LBP: variants seen among roughly 807,000 people sequenced by gnomAD.
LBP encodes the protein lipopolysaccharide-binding protein.
LBP carries 53 observed loss-of-function variants against 56.6 expected under a neutral mutation model. That is an observed-to-expected ratio of 0.94 (90% CI 0.75 to 1.18). The LOEUF (loss-of-function observed/expected upper bound fraction) is 1.18, where lower values mean the gene tolerates loss of function less well. Ranked by LOEUF, LBP falls within the 50% of genes most tolerant of loss-of-function variation. The probability of loss-of-function intolerance (pLI) is 0.00; values close to 1 mark genes in which losing one functional copy is unlikely to be tolerated. For missense variants in LBP, 601 were observed against 598.3 expected, an observed-to-expected ratio of 1.00 and a Z score of -0.05; for synonymous variants, 227 against 247.5, an observed-to-expected ratio of 0.92 and a Z score of 0.78.
intron 6 of LBP, among the ~76,000 whole-genome samples, chr20:38,362,269 C>A (rs2076863395): frequency 7.0e-6 from 1 of 143,812 alleles, no homozygotes; most frequent in African/African-American, 2.5e-5. Flanking sequence ...ACCATGTTAG[C>A]CAGGATGGTC....
intron 12 of LBP, 68 bp downstream of exon 12, chr20:38,371,390 T>G: frequency 1.8e-6 from 2 of 1,127,094 alleles, no homozygotes; most frequent in Non-Finnish European, 1.3e-6. Context: ...AAGCAATTGC[T>G]ATGGCACCTA....
intron 3 of LBP, among the ~76,000 whole-genome samples, chr20:38,353,827 G>A (rs1167810470): frequency 6.6e-6 from 1 of 151,788 alleles, no homozygotes; most frequent in Non-Finnish European, 1.5e-5. Flanking sequence ...TGCTTATTTT[G>A]TACTGCATTT....
At chr20:38,366,979 A>G (rs2076884601) in intron 9 of LBP, 151 bp downstream of exon 9, 1 of 719,194 alleles carries the variant, frequency 1.4e-6, no homozygotes, top group South Asian at 1.6e-5. Context: ...CTCCTTTCAA[A>G]GCCTAAATAA....
At chr20:38,351,518 G>A (rs544396469) in intron 3 of LBP, among the ~76,000 whole-genome samples, 1 of 152,296 alleles carries the variant, frequency 6.6e-6, no homozygotes, top group South Asian at 2.1e-4. Context: ...GAGGCACTTG[G>A]ATGGAAGGGG....
At position 38,376,709 on chromosome 20, in the gene LBP, G is replaced by C. The variant is rs780124709; in HGVS notation, c.*40G>C. 6.4e-7 allele frequency: 1 copy of C among 1,569,896 alleles called. No individual in the cohort carries two copies. The highest frequency in any genetic ancestry group is 8.8e-7 in the Non-Finnish European group (1 of 1,140,212). On this transcript the variant is annotated 3_prime_UTR_variant, in exon 15 of 15. Coordinates refer to ENST00000217407, the MANE Select transcript of LBP (RefSeq NM_004139.5). ...AAGCTTGGAGGTCACAGCTGGATCT[G>C]CTTGTTGCATTTCCAGCTGTGCAGC...
chr20:38,350,550 C>T (rs564031185), intron 2 of LBP, among the ~76,000 whole-genome samples: 1 of 152,356 alleles, frequency 6.6e-6, no homozygotes, highest in Non-Finnish European at 1.5e-5. Context: ...TGAGCAATTG[C>T]ATCCCTTCCT....
chr20:38,346,552 G>C lies in LBP; in HGVS notation c.36G>C (p.Leu12=). ...GALARALPSI[L]LALLLTSTPE... is the part of the protein sequence containing the mutation. ...TGGCCAGAGCCCTGCCGTCCATACT[G>C]CTGGCATTGCTGCTTACGTCCACCC... is the stretch of plus-strand genomic sequence containing the variant. The change falls in exon 1 of 15, where the codon CTG becomes CTC. Residue 12 remains leucine, a synonymous_variant. Coordinates refer to ENST00000217407, the MANE Select transcript of LBP (RefSeq NM_004139.5). 6.2e-7 allele frequency: 1 copy of C among 1,613,786 alleles called. No individual in the cohort carries two copies. Among genetic ancestry groups the C allele is most frequent in the Non-Finnish European group, 8.5e-7 (1 of 1,179,988 alleles).
Position 38,373,986 on chromosome 20 carries a change from C to G in LBP, c.1374C>G (p.Leu458=). 2 of 1,614,062 alleles carry G rather than the reference C, an allele frequency of 1.2e-6. No individual in the cohort carries two copies. Among genetic ancestry groups the G allele is most frequent in the South Asian group, 2.2e-5 (2 of 91,064 alleles). The part of the protein sequence containing the change: ...FPLPLLKRVQ[L]YDLGLQIHKD... ...TTCCTCTGCTGAAGCGTGTTCAGCT[C>G]TACGACCTTGGGCTGCAGATCCATA... Residue 458 remains leucine, a synonymous_variant, in exon 14 of 15, where the codon CTC becomes CTG. Coordinates refer to ENST00000217407, the MANE Select transcript of LBP (RefSeq NM_004139.5).
At chr20:38,346,748 C>T in intron 1 of LBP, 108 bp downstream of exon 1, 2 of 1,463,572 alleles carry the variant, frequency 1.4e-6, no homozygotes, top group East Asian at 4.6e-5. Context: ...CTCCCTGGGG[C>T]AGTGCCACCT....
chr20:38,371,166 C>T, intron 11 of LBP, 114 bp from the exon 12 acceptor site: 1 of 760,164 alleles, frequency 1.3e-6, no homozygotes, highest in Non-Finnish European at 2.3e-6. Context: ...CTGCTCCCGC[C>T]CTACCTTTGG....
At position 38,366,845 on chromosome 20, in the gene LBP, T is replaced by C. The variant is rs758264541; in HGVS notation, c.981+17T>C. 4 of 1,611,916 alleles carry C rather than the reference T, an allele frequency of 2.5e-6. No individual in the cohort carries two copies. The highest frequency in any genetic ancestry group is 2.2e-5 in the South Asian group (2 of 91,026). ...GTCCCACGGGTAAGGAGTCCCTTAG[T>C]TCCCCATGAGTGCAGACCGAGCCTA... On this transcript the variant is annotated intron_variant, in intron 9 of 14. Coordinates refer to ENST00000217407, the MANE Select transcript of LBP (RefSeq NM_004139.5).
intron 14 of LBP, among the ~76,000 whole-genome samples, chr20:38,374,746 A>C (rs2076912185): frequency 6.6e-6 from 1 of 150,452 alleles, no homozygotes; most frequent in South Asian, 2.1e-4. Flanking sequence ...CCTGTTTGGC[A>C]TGCCTCCCCA....
At chr20:38,370,655 A>AC (rs2076897737) in intron 10 of LBP, 83 bp from the exon 11 acceptor site, 1 of 1,220,242 alleles carries the variant, frequency 8.2e-7, no homozygotes, top group African/African-American at 1.5e-5. Context: ...TGTTGAGAGG[A>AC]GACAGTTGGT....
chr20:38,349,811 A>G (rs912457765), intron 2 of LBP, 149 bp downstream of exon 2: 16 of 608,160 alleles, frequency 2.6e-5, no homozygotes, highest in Non-Finnish European at 4.3e-5. Context: ...AGAGCTCAGA[A>G]GGAAATTCTG....
rs1023160088 is a variant in LBP, at chr20:38,368,899, G to A, written c.982-96G>A. The A allele has an allele frequency of 4.9e-5, 64 of 1,299,606 alleles. No individual in the cohort carries two copies. The East Asian group carries it at 7.0e-4, about 14-fold the overall frequency. The allele number at this position is 1,299,606 out of a possible 1,614,324, so 80.5% of individuals were successfully genotyped here. On this transcript the variant is annotated intron_variant, in intron 9 of 14. Coordinates refer to ENST00000217407, the MANE Select transcript of LBP (RefSeq NM_004139.5). ...AATTTTGTTGGAAATAAAATCAATC[G>A]AAAGCAACTTCCAGCTTTATCTGAC...
chr20:38,354,539 G>A (rs1045018063), intron 4 of LBP, 100 bp downstream of exon 4: 4 of 1,078,366 alleles, frequency 3.7e-6, no homozygotes, highest in Non-Finnish European at 3.9e-6. Context: ...GATCCAGGTG[G>A]CTTGCACAGG....
rs943634022 is a variant in LBP, at chr20:38,373,121, A to G, written c.1310A>G (p.Tyr437Cys). ...LLNYYILNTFYPKFNDKLAEG... is the reference protein window; with the variant it reads ...LLNYYILNTFCPKFNDKLAEG... ...AACTATTACATCCTTAACACCTTCT[A>G]CCCCAAGTTCAATGGTAAGAATCAC... The change falls in exon 13 of 15, where the codon TAC becomes TGC. Residue 437 changes from tyrosine to cysteine, a missense_variant. Coordinates refer to ENST00000217407, the MANE Select transcript of LBP (RefSeq NM_004139.5). 1 of 1,613,562 alleles carries G rather than the reference A, an allele frequency of 6.2e-7. No homozygotes were observed. The highest frequency in any genetic ancestry group is 8.5e-7 in the Non-Finnish European group (1 of 1,179,500).
intron 12 of LBP, among the ~76,000 whole-genome samples, chr20:38,371,602 AT>A (rs1330984240): frequency 2.6e-5 from 4 of 152,260 alleles, no homozygotes; most frequent in African/African-American, 9.6e-5. Flanking sequence ...GAGGAGAAAT[AT>A]ATAGGATTAT....
At chr20:38,365,150 G>A (rs566303244) in intron 8 of LBP, among the ~76,000 whole-genome samples, 1 of 145,762 alleles carries the variant, frequency 6.9e-6, no homozygotes, top group Admixed American at 7.1e-5. Flanking sequence ...TGGGAGAATC[G>A]CTTGAACCCA....
Sources: allele counts gnomAD v4.1 joint callset (sites outside exome capture counted in the v4.1 genomes callset), GRCh38; gene constraint gnomAD v4.1.1; transcripts MANE v1.5; gene names NCBI Gene and HGNC (gene_info 2026-07-23, HGNC 2026-07-21).